SUGCT: variants seen among roughly 807,000 people sequenced by gnomAD.
The protein encoded by SUGCT is succinyl-CoA:glutarate CoA-transferase.
A neutral mutation model predicts 55.0 loss-of-function variants in SUGCT; 41 were observed. The observed-to-expected ratio is 0.74, with a 90% CI of 0.58 to 0.97. The LOEUF (loss-of-function observed/expected upper bound fraction) is 0.97, where lower values mean the gene tolerates loss of function less well. Ranked by LOEUF, SUGCT falls within the 50% of genes least tolerant of loss-of-function variation. SUGCT has a pLI of 0.00. For missense variants in SUGCT, 568 were observed against 547.8 expected, an observed-to-expected ratio of 1.04 and a Z score of -0.37; for synonymous variants, 187 against 200.4, an observed-to-expected ratio of 0.93 and a Z score of 0.56.
chr7:40,466,060 AT>A lies in SUGCT; in HGVS notation c.986+6870del, dbSNP rs879834480. On this transcript the variant is annotated intron_variant, in intron 11 of 13. Transcript: ENST00000335693. The stretch of plus-strand genomic sequence containing the variant: ...CCATGCCTGCTTAATTTAAAATATA[AT>A]TTTTTTTAAAAAGATAGTTGGTGGG... 4.0e-5 allele frequency among the ~76,000 whole-genome samples: 6 copies of A among 151,688 alleles called. No individual in the cohort carries two copies. The South Asian group carries it at 1.3e-3, about 32-fold the overall frequency.
chr7:40,407,798 G>A (rs963625270), intron 9 of SUGCT, among the ~76,000 whole-genome samples: 5 of 151,962 alleles, frequency 3.3e-5, no homozygotes, highest in African/African-American at 9.7e-5. Flanking sequence ...TCCTCTAAAC[G>A]AGACTATCTT....
At chr7:40,959,330 C>A in the SUGCT span, among the ~76,000 whole-genome samples, 2 of 152,252 alleles carry the variant, frequency 1.3e-5, no homozygotes, top group African/African-American at 4.8e-5. Context: ...AAACCCCTGA[C>A]TGCGGCTGCT....
chr7:40,857,126 CA>C lies in SUGCT; in HGVS notation c.1154-3184del, dbSNP rs966557763. 1.6e-3 allele frequency among the ~76,000 whole-genome samples: 249 copies of C among 152,162 alleles called. 1 individual carries two copies. Among genetic ancestry groups the C allele is most frequent in the African/African-American group, 5.7e-3 (236 of 41,532 alleles). ...GATGGGAACATAGATGTTAGTTTGCCAAAAAATTTAAGAACATGTGACTTAC... is the reference window on the plus strand; with the variant it reads ...GATGGGAACATAGATGTTAGTTTGCCAAAAATTTAAGAACATGTGACTTAC... On this transcript the variant is annotated intron_variant, in intron 13 of 13. Transcript: ENST00000335693.
chr7:40,499,093 A>G (rs1211941280), intron 12 of SUGCT: 11 of 456,598 alleles, frequency 2.4e-5, no homozygotes, highest in Non-Finnish European at 4.8e-5. Flanking sequence ...ACTTCTGTTC[A>G]GATGTGGGAA....
intron 8 of SUGCT, among the ~76,000 whole-genome samples, chr7:40,312,132 C>T (rs917972062): frequency 6.6e-5 from 10 of 151,564 alleles, no homozygotes; most frequent in South Asian, 2.1e-4. Context: ...CTCTGCTTCC[C>T]GGGTTCAAGC....
chr7:40,610,460 TTTA>T (rs1230507859), intron 12 of SUGCT, among the ~76,000 whole-genome samples: 1 of 152,214 alleles, frequency 6.6e-6, no homozygotes, highest in Non-Finnish European at 1.5e-5. Context: ...TGGTGTGTCT[TTTA>T]TTTTGTTGTC....
chr7:40,384,915 G>A (rs897230433), intron 9 of SUGCT, among the ~76,000 whole-genome samples: 68 of 152,122 alleles, frequency 4.5e-4, no homozygotes, highest in African/African-American at 1.6e-3. Flanking sequence ...TAGGTTCTGA[G>A]TCTTGTGGTA....
chr7:40,430,978 C>T (rs775607867), intron 9 of SUGCT, among the ~76,000 whole-genome samples: 4 of 151,880 alleles, frequency 2.6e-5, no homozygotes, highest in Non-Finnish European at 4.4e-5. Flanking sequence ...ATTAGCTGGG[C>T]GTGGTGGCAC....
intron 12 of SUGCT, among the ~76,000 whole-genome samples, chr7:40,510,941 C>G (rs971548886): frequency 6.6e-6 from 1 of 151,976 alleles, no homozygotes; most frequent in Admixed American, 6.6e-5. Flanking sequence ...TATACAGATT[C>G]CAGAGCTCCA....
chr7:40,920,036 G>A, the SUGCT span, among the ~76,000 whole-genome samples: 1 of 151,688 alleles, frequency 6.6e-6, no homozygotes, highest in Admixed American at 6.6e-5. Flanking sequence ...TTATAACTCA[G>A]CCTGGGAGCA....
chr7:40,584,535 A>G (rs960703982), intron 12 of SUGCT, among the ~76,000 whole-genome samples: 3 of 152,198 alleles, frequency 2.0e-5, no homozygotes, highest in Admixed American at 1.3e-4. Context: ...AATAGTTCCC[A>G]TGTGCATAGT....
intron 13 of SUGCT, among the ~76,000 whole-genome samples, chr7:40,804,000 A>G (rs181945108): frequency 2.0e-5 from 3 of 152,348 alleles, no homozygotes; most frequent in African/African-American, 7.2e-5. Context: ...CACTTTCCAC[A>G]TGAAAAGCAG....
At chr7:40,476,418 GA>G (rs1790681144) in intron 11 of SUGCT, among the ~76,000 whole-genome samples, 1 of 151,524 alleles carries the variant, frequency 6.6e-6, no homozygotes, top group Non-Finnish European at 1.5e-5. Context: ...AACCGTTGAG[GA>G]AAAAAAATAT....
chr7:40,657,872 G>A (rs1015826935), intron 12 of SUGCT, among the ~76,000 whole-genome samples: 5 of 152,128 alleles, frequency 3.3e-5, no homozygotes, highest in African/African-American at 1.2e-4. Flanking sequence ...CTAGATGAAG[G>A]ACCTAACGTG....
chr7:40,900,531 C>T, the SUGCT span, among the ~76,000 whole-genome samples: 2 of 152,238 alleles, frequency 1.3e-5, no homozygotes, highest in Admixed American at 6.5e-5. Context: ...TTCCAAAGTT[C>T]ATTCCACAGA....
chr7:40,532,072 G>A (rs1794128880), intron 12 of SUGCT, among the ~76,000 whole-genome samples: 1 of 152,214 alleles, frequency 6.6e-6, no homozygotes, highest in Admixed American at 6.5e-5. Context: ...AGAAGCCTGG[G>A]AAGTAAGGGA....
rs188350566 is a variant in SUGCT at position 40,376,643 on chromosome 7, C to T, written c.816+59788C>T. ...TTGACCTCAGGTGATCCACCTGCCTCGGCCTCCCAAAGTGCTGGGATTACA... is the reference window on the plus strand; with the variant it reads ...TTGACCTCAGGTGATCCACCTGCCTTGGCCTCCCAAAGTGCTGGGATTACA... On this transcript the variant is annotated intron_variant, in intron 9 of 13. Transcript: ENST00000335693. Among the ~76,000 whole-genome samples, 103 of 152,188 alleles carry T rather than the reference C, an allele frequency of 6.8e-4. 1 individual carries two copies. The highest frequency in any genetic ancestry group is 2.2e-3 in the African/African-American group (92 of 41,540).
intron 12 of SUGCT, among the ~76,000 whole-genome samples, chr7:40,699,270 T>C (rs1423783178): frequency 2.0e-5 from 3 of 152,114 alleles, no homozygotes; most frequent in Admixed American, 6.5e-5. Flanking sequence ...CTGAGAAATA[T>C]ATCAATAACT....
chr7:40,613,850 G>A (rs540903794), intron 12 of SUGCT, among the ~76,000 whole-genome samples: 3 of 152,202 alleles, frequency 2.0e-5, no homozygotes, highest in South Asian at 2.1e-4. Context: ...GGTTTGATCC[G>A]CCCTCCTCGG....
Sources: gnomAD v4.1 joint callset for allele counts (sites outside exome capture counted in the v4.1 genomes callset) on GRCh38, gnomAD v4.1.1 for gene constraint, MANE v1.5 for transcripts, NCBI Gene and HGNC (gene_info 2026-07-23, HGNC 2026-07-21) for gene names.